The following MAP4K3 variants were observed in gnomAD, a reference collection of about 807,000 sequenced individuals.
MAP4K3 encodes MAPK/ERK kinase kinase kinase 3.
Under a neutral mutation model 143.5 loss-of-function variants are expected in MAP4K3, and 94 were observed. The ratio of observed to expected loss-of-function variants is 0.65; its 90% confidence interval spans 0.55 to 0.78. The LOEUF (loss-of-function observed/expected upper bound fraction) is 0.78, where lower values mean the gene tolerates loss of function less well. Ranked by LOEUF, MAP4K3 falls within the 30% of genes least tolerant of loss-of-function variation. The probability of loss-of-function intolerance (pLI) is 0.00; values close to 1 mark genes in which losing one functional copy is unlikely to be tolerated. For synonymous variants in MAP4K3, 416 were observed against 347.2 expected (o/e 1.20, Z -2.20); for missense variants, 1,077 against 1,068.1 (o/e 1.01, Z -0.12).
chr2:39,415,994 T>A (rs1205679340), intron 1 of MAP4K3, among the ~76,000 whole-genome samples: 15 of 89,464 alleles, frequency 1.7e-4, no homozygotes, highest in African/African-American at 2.2e-4. Flanking sequence ...TATATATATA[T>A]ATATATATAT....
chr2:39,284,168 T>G (rs1214289653), intron 21 of MAP4K3, among the ~76,000 whole-genome samples: 2 of 152,172 alleles, frequency 1.3e-5, no homozygotes, highest in African/African-American at 4.8e-5. Context: ...TGTTGTTGTT[T>G]TTTTATTTTT....
intron 28 of MAP4K3, among the ~76,000 whole-genome samples, chr2:39,263,911 T>C (rs1408586810): frequency 2.6e-5 from 4 of 152,220 alleles, no homozygotes; most frequent in Non-Finnish European, 5.9e-5. Context: ...GAAAAGCATC[T>C]TTCATTATAT....
At chr2:39,422,615 T>C (rs942114096) in intron 1 of MAP4K3, among the ~76,000 whole-genome samples, 5 of 152,074 alleles carry the variant, frequency 3.3e-5, no homozygotes, top group African/African-American at 1.2e-4. Context: ...CCCACACAAA[T>C]ATATTCAACT....
At chr2:39,418,293 TGG>T (rs996858455) in intron 1 of MAP4K3, among the ~76,000 whole-genome samples, 1 of 151,772 alleles carries the variant, frequency 6.6e-6, no homozygotes, top group Non-Finnish European at 1.5e-5. Flanking sequence ...TGGAGCAATC[TGG>T]GCAACAAAAT....
At chr2:39,342,896 CTA>C (rs980744683) in intron 4 of MAP4K3, among the ~76,000 whole-genome samples, 4 of 152,090 alleles carry the variant, frequency 2.6e-5, no homozygotes, top group Non-Finnish European at 5.9e-5. Context: ...AAAGAAAAGG[CTA>C]TTTTACTTTA....
chr2:39,346,148 T>TG (rs1665285480), intron 3 of MAP4K3, among the ~76,000 whole-genome samples: 1 of 152,214 alleles, frequency 6.6e-6, no homozygotes, highest in Non-Finnish European at 1.5e-5. Context: ...AATAGATGTC[T>TG]GAGACTGGCA....
chr2:39,263,272 GT>G (rs869070441), intron 28 of MAP4K3, among the ~76,000 whole-genome samples: 138 of 136,208 alleles, frequency 1.0e-3, no homozygotes, highest in South Asian at 4.7e-3. Flanking sequence ...ACATATAGAA[GT>G]TTTTTTTTTT....
At chr2:39,346,452 C>A (rs1665295698) in intron 3 of MAP4K3, among the ~76,000 whole-genome samples, 1 of 152,050 alleles carries the variant, frequency 6.6e-6, no homozygotes, top group Non-Finnish European at 1.5e-5. Context: ...TGATTCATTT[C>A]CCTTTGTTTT....
chr2:39,370,911 A>C (rs1666063991), intron 2 of MAP4K3, among the ~76,000 whole-genome samples: 1 of 152,222 alleles, frequency 6.6e-6, no homozygotes. Context: ...TAACTTATTT[A>C]TATAATAACA....
chr2:39,281,274 C>G (rs1299235429), intron 22 of MAP4K3, among the ~76,000 whole-genome samples: 1 of 152,174 alleles, frequency 6.6e-6, no homozygotes, highest in African/African-American at 2.4e-5. Flanking sequence ...GAAAACATCA[C>G]TAGTTGACAA....
intron 1 of MAP4K3, among the ~76,000 whole-genome samples, chr2:39,413,462 G>A (rs139835744): frequency 5.9e-4 from 90 of 152,254 alleles, no homozygotes; most frequent in Non-Finnish European, 9.6e-4. Context: ...TCAGTGGTCA[G>A]ATACTGGTAT....
At chr2:39,275,909 G>A (rs1357670680) in intron 24 of MAP4K3, among the ~76,000 whole-genome samples, 6 of 152,094 alleles carry the variant, frequency 3.9e-5, no homozygotes, top group Middle Eastern at 3.4e-3. Flanking sequence ...GTCTCACTCC[G>A]TTGCCCAGGC....
chr2:39,287,477 T>A (rs1432859026), intron 20 of MAP4K3, among the ~76,000 whole-genome samples: 2 of 152,062 alleles, frequency 1.3e-5, no homozygotes, highest in African/African-American at 4.8e-5. Context: ...TTGTATTTTT[T>A]TTTTTAGTAG....
chr2:39,415,823 G>A (rs1313950434), intron 1 of MAP4K3, among the ~76,000 whole-genome samples: 2 of 149,728 alleles, frequency 1.3e-5, no homozygotes, highest in Non-Finnish European at 3.0e-5. Flanking sequence ...CATGGTGGTG[G>A]GAGCCTGTAA....
chr2:39,415,238 T>A (rs1053812547), intron 1 of MAP4K3, among the ~76,000 whole-genome samples: 3 of 152,208 alleles, frequency 2.0e-5, no homozygotes, highest in South Asian at 2.1e-4. Flanking sequence ...TGAACAAGCA[T>A]CAGAAGTATT....
At chr2:39,428,534 G>C (rs1458323363) in intron 1 of MAP4K3, among the ~76,000 whole-genome samples, 1 of 151,684 alleles carries the variant, frequency 6.6e-6, no homozygotes. Flanking sequence ...AAATTAGCTG[G>C]GCGTGGTGAC....
chr2:39,388,403 A>G (rs2148592485), intron 1 of MAP4K3, among the ~76,000 whole-genome samples: 1 of 152,358 alleles, frequency 6.6e-6, no homozygotes, highest in East Asian at 1.9e-4. Context: ...CACAGGTGGC[A>G]CAAAGAGATG....
At chr2:39,273,315 C>T (rs1447461544) in intron 24 of MAP4K3, among the ~76,000 whole-genome samples, 3 of 152,096 alleles carry the variant, frequency 2.0e-5, no homozygotes, top group Non-Finnish European at 4.4e-5. Flanking sequence ...TGGACCTCAC[C>T]CCAGATCTAC....
At chr2:39,301,734 A>C (rs984240578) in intron 15 of MAP4K3, among the ~76,000 whole-genome samples, 12 of 152,150 alleles carry the variant, frequency 7.9e-5, no homozygotes, top group African/African-American at 2.7e-4. Flanking sequence ...TTAAAAATAA[A>C]GGAAATAGGC....
Sources: allele counts gnomAD v4.1 joint callset (sites outside exome capture counted in the v4.1 genomes callset), GRCh38; gene constraint gnomAD v4.1.1; transcripts MANE v1.5; gene names NCBI Gene and HGNC (gene_info 2026-07-23, HGNC 2026-07-21).